The following KYAT3 variants were observed in gnomAD, a reference collection of about 807,000 sequenced individuals.
KYAT3 encodes kynurenine--oxoglutarate transaminase 3.
Under a neutral mutation model 59.0 loss-of-function variants are expected in KYAT3, and 50 were observed. The ratio of observed to expected loss-of-function variants is 0.85; its 90% CI spans 0.68 to 1.07. KYAT3 has a LOEUF of 1.07. Among genes scored for constraint, KYAT3 ranks in the 50% least tolerant of loss-of-function variants. The pLI is 0.00. For missense variants in KYAT3, 497 were observed against 533.3 expected (o/e 0.93, Z 0.67); for synonymous variants, 148 against 177.0 (o/e 0.84, Z 1.30).
chr1:88,992,172 G>A (rs7538226), intron 1 of KYAT3, among the ~76,000 whole-genome samples: 10,237 of 152,016 alleles, frequency 0.067, 1,142 homozygotes, highest in African/African-American at 0.23. Flanking sequence ...TACAGACGGG[G>A]TTTCACCGTG....
At chr1:88,936,895 A>G (rs1675058291) in intron 13 of KYAT3, among the ~76,000 whole-genome samples, 1 of 152,172 alleles carries the variant, frequency 6.6e-6, no homozygotes, top group South Asian at 2.1e-4. Flanking sequence ...GAAAGCCAAT[A>G]GGTGAGGCTG....
chr1:88,979,395 A>G (rs1043203340), intron 2 of KYAT3: 3 of 152,254 alleles, frequency 2.0e-5, no homozygotes, highest in African/African-American at 7.2e-5. Flanking sequence ...GGGCTCAAGT[A>G]TCTCTTAAAA....
At chr1:88,938,255 A>G (rs1015866755) in intron 13 of KYAT3, among the ~76,000 whole-genome samples, 5 of 152,210 alleles carry the variant, frequency 3.3e-5, no homozygotes, top group Non-Finnish European at 5.9e-5. Context: ...CTTCCCACCT[A>G]TCTTCCTCAG....
intron 2 of KYAT3, chr1:88,982,415 G>A: frequency 1.1e-6 from 1 of 915,402 alleles, no homozygotes; most frequent in Non-Finnish European, 1.6e-6. Flanking sequence ...GTACTACAAG[G>A]CTTAACACAT....
chr1:88,941,139 A>C (rs1266054173), intron 13 of KYAT3, among the ~76,000 whole-genome samples: 1 of 152,218 alleles, frequency 6.6e-6, no homozygotes, highest in African/African-American at 2.4e-5. Flanking sequence ...CAAATAATAT[A>C]CCACTATTTC....
In KYAT3 at chr1:88,961,385, C is replaced by T. The variant is rs769147723; in HGVS notation, c.662G>A (p.Gly221Asp). The T allele has an allele frequency of 8.1e-6, 13 of 1,613,644 alleles. No individual in the cohort carries two copies. The Admixed American group carries it at 2.2e-4, about 27-fold the overall frequency. The stretch of plus-strand genomic sequence containing the variant: ...AAGGAGATGAGACTTGCTTACCTTG[C>T]CAAGTGGGTTATGTGGAGTATTTAG... Reference protein sequence around the residue: ...IILNTPHNPLGKVYNREELQV... With the variant: ...IILNTPHNPLDKVYNREELQV... The change falls in exon 7 of 14, where the codon GGC (glycine) becomes GAC (aspartate). Residue 221 changes from glycine (G) to aspartate (D), a missense_variant. Physicochemically the swap from Gly to Asp is moderately conservative, Grantham distance 94. Around this residue, in one of 2 missense-constraint regions of KYAT3, gnomAD observed 469 missense variants for 479.1 expected, o/e 0.98. Coordinates refer to ENST00000260508, the MANE Select transcript of KYAT3 (RefSeq NM_001008661.3).
At chr1:88,973,762 T>A (rs961110390) in intron 2 of KYAT3, among the ~76,000 whole-genome samples, 6 of 152,184 alleles carry the variant, frequency 3.9e-5, no homozygotes, top group Non-Finnish European at 8.8e-5. Context: ...AAAGATTAAG[T>A]CTTTAAAAAA....
chr1:88,930,218 ATACAG>A, the KYAT3 span, among the ~76,000 whole-genome samples: 2 of 152,198 alleles, frequency 1.3e-5, no homozygotes, highest in African/African-American at 4.8e-5. Flanking sequence ...AGTTAAAATG[ATACAG>A]GAAGAGATCT....
At position 88,983,021 on chromosome 1, in the gene KYAT3, T is replaced by A. The variant is rs1677186410; in HGVS notation, c.99+5231A>T. ...ACTTGGATGATCTGAATAGTCACGA[T>A]CACGACCATATCCATCTCTATCGCC... On this transcript the variant is annotated intron_variant, in intron 2 of 13. Transcript: ENST00000260508. The A allele has an allele frequency of 1.9e-6, 3 of 1,612,952 alleles. No homozygotes were observed. The East Asian group carries it at 6.7e-5, about 36-fold the overall frequency.
At chr1:88,933,977 G>A (rs1056948149), downstream of KYAT3, among the ~76,000 whole-genome samples, 1 of 152,158 alleles carries the variant, frequency 6.6e-6, no homozygotes, top group African/African-American at 2.4e-5. Context: ...AAGGAAGGAT[G>A]GATGATGATG....
At chr1:88,921,619 A>G in the KYAT3 span, among the ~76,000 whole-genome samples, 1 of 152,176 alleles carries the variant, frequency 6.6e-6, no homozygotes, top group Non-Finnish European at 1.5e-5. Flanking sequence ...TTGCTCATGT[A>G]CCTGTATTAG....
chr1:88,958,136 T>C (rs1675992518), intron 8 of KYAT3, among the ~76,000 whole-genome samples: 1 of 152,182 alleles, frequency 6.6e-6, no homozygotes, highest in African/African-American at 2.4e-5. Context: ...TCTATTCTTC[T>C]ATGTCCCACA....
intron 10 of KYAT3, 58 bp downstream of exon 10, chr1:88,953,005 A>G (rs1675744564): frequency 9.5e-7 from 1 of 1,051,174 alleles, no homozygotes; most frequent in East Asian, 2.4e-5. Flanking sequence ...TATGCAATAT[A>G]AAAGTAATAC....
At chr1:88,957,346 G>A (rs1275857309) in intron 8 of KYAT3, among the ~76,000 whole-genome samples, 1 of 152,060 alleles carries the variant, frequency 6.6e-6, no homozygotes, top group African/African-American at 2.4e-5. Flanking sequence ...TATGACACAT[G>A]CCCCACTTTT....
intron 2 of KYAT3, chr1:88,982,050 G>A (rs2101080573): frequency 3.1e-6 from 3 of 982,318 alleles, no homozygotes; most frequent in Non-Finnish European, 3.6e-6. Flanking sequence ...GAAAGGGGAG[G>A]TTCTTGCAGA....
intron 2 of KYAT3, chr1:88,983,912 A>AG: frequency 4.0e-6 from 6 of 1,509,792 alleles, no homozygotes; most frequent in Non-Finnish European, 5.5e-6. Context: ...GCAGCTCAGC[A>AG]CCAGTGGCGG....
chr1:88,943,526 G>A (rs963745985), intron 11 of KYAT3, 103 bp from the exon 12 acceptor site: 11 of 688,598 alleles, frequency 1.6e-5, no homozygotes, highest in Non-Finnish European at 2.6e-5. Context: ...ATTTAAATTA[G>A]CTTGGTTTAG....
At position 88,983,396 on chromosome 1, in the gene KYAT3, C is replaced by G. The variant is rs200640812; in HGVS notation, c.99+4856G>C. On this transcript the variant is annotated intron_variant, in intron 2 of 13. Transcript: ENST00000260508. Reference sequence around the variant, plus strand: ...TCCTCTTTTTACTGGGAGTGGTCCCCTGGAAGAACTCATGTTAAAATTCAT... The same window carrying G: ...TCCTCTTTTTACTGGGAGTGGTCCCGTGGAAGAACTCATGTTAAAATTCAT... 58 of 1,614,212 alleles carry G rather than the reference C, an allele frequency of 3.6e-5. 1 individual carries two copies. The highest frequency in any genetic ancestry group is 3.3e-4 in the East Asian group (15 of 44,872).
In KYAT3 at chr1:88,961,429, G is replaced by A; in HGVS notation, c.618C>T (p.Ser206=). 2 of 1,613,832 alleles carry A rather than the reference G, an allele frequency of 1.2e-6. No homozygotes were observed. Among genetic ancestry groups the A allele is most frequent in the Non-Finnish European group, 1.7e-6 (2 of 1,179,828 alleles). ...TATTTAGTATAATAGCTTTGGTTTT[G>A]GAATTAAATTTACTTTCCAGTTCTT... The part of the protein sequence containing the change: ...DPQELESKFN[S]KTKAIILNTP... Residue 206 remains serine (S), a synonymous_variant, in exon 7 of 14, where the codon TCC becomes TCT. Coordinates refer to ENST00000260508, the MANE Select transcript of KYAT3 (RefSeq NM_001008661.3).
Sources: gnomAD v4.1 joint callset for allele counts (sites outside exome capture counted in the v4.1 genomes callset) on GRCh38, gnomAD v4.1.1 for gene constraint, gnomAD v4.1.1 regional missense constraint, MANE v1.5 for transcripts, NCBI Gene and HGNC (gene_info 2026-07-23, HGNC 2026-07-21) for gene names.